Variants in OFD1 observed in about 807,000 individuals in gnomAD.
OFD1 encodes the protein centriole and centriolar satellite protein OFD1.
Under a neutral mutation model 81.4 loss-of-function variants are expected in OFD1, and 12 were observed. The ratio of observed to expected loss-of-function variants is 0.15; its 90% CI spans 0.09 to 0.24. The LOEUF is 0.24. OFD1 is among the 10% of genes least tolerant of loss of function. OFD1 has a pLI of 1.00. For missense variants in OFD1, 685 were observed against 733.9 expected (o/e 0.93, Z 0.77); for synonymous variants, 256 against 263.7 (o/e 0.97, Z 0.28).
intron 6 of OFD1, among the ~76,000 whole-genome samples, chrX:13,745,046 CCTGT>C (rs1407106173): frequency 1.8e-5 from 2 of 112,017 alleles, no homozygotes; most frequent in African/African-American, 6.5e-5. Context: ...GCAGTACCAT[CCTGT>C]CTGTCAGTTT....
chrX:13,764,254 A>G (rs1475311034), intron 19 of OFD1, among the ~76,000 whole-genome samples: 1 of 112,676 alleles, frequency 8.9e-6, no homozygotes, highest in Non-Finnish European at 1.9e-5. Flanking sequence ...ATTAACTCCC[A>G]GCATATATCT....
intron 2 of OFD1, chrX:13,736,172 T>A: frequency 1.1e-6 from 1 of 893,810 alleles, no homozygotes; most frequent in Non-Finnish European, 1.4e-6. Flanking sequence ...CGTAAGCTGC[T>A]GAAATGGGCT....
chrX:13,765,325 T>C (rs1236341096), intron 19 of OFD1, among the ~76,000 whole-genome samples: 1 of 111,013 alleles, frequency 9.0e-6, no homozygotes, highest in Non-Finnish European at 1.9e-5. Flanking sequence ...GAGAAGCAGC[T>C]CACTCTTCCT....
At chrX:13,722,919 C>T in the OFD1 span, among the ~76,000 whole-genome samples, 15 of 109,790 alleles carry the variant, frequency 1.4e-4, no homozygotes, top group East Asian at 2.9e-4. Context: ...AAAAATTAGC[C>T]GAGTGTGGTG....
chrX:13,767,319 C>T, intron 20 of OFD1, 35 bp downstream of exon 20: 1 of 1,184,601 alleles, frequency 8.4e-7, no homozygotes, highest in Non-Finnish European at 1.1e-6. Context: ...GAACTGGTTG[C>T]TCCATTGTAC....
At position 13,746,436 on chromosome X, in the gene OFD1, G is replaced by A. The variant is rs1430661257; in HGVS notation, c.635G>A (p.Arg212Gln). ...EYKREIEEQL[R>Q]AEMCQKLKFF... The stretch of plus-strand genomic sequence containing the variant: ...AAGAGAGAAATAGAAGAGCAACTTC[G>A]GGCAGAAATGTGTCAAAAGGTAAGC... Residue 212 changes from arginine (R) to glutamine (Q), a missense_variant, in exon 7 of 23, where the codon CGG (arginine) becomes CAG (glutamine). Coordinates refer to ENST00000340096, the MANE Select transcript of OFD1 (RefSeq NM_003611.3). 3.3e-6 allele frequency: 4 copies of A among 1,208,309 alleles called. No homozygotes were observed. The highest frequency in any genetic ancestry group is 4.5e-6 in the Non-Finnish European group (4 of 893,601).
intron 19 of OFD1, among the ~76,000 whole-genome samples, chrX:13,765,044 CAACTGAGT>C (rs1325820650): frequency 1.8e-5 from 2 of 112,200 alleles, no homozygotes; most frequent in Non-Finnish European, 3.8e-5. Flanking sequence ...TAAGGGAAAT[CAACTGAGT>C]AACTAGGTGT....
At position 13,749,140 on chromosome X, in the gene OFD1, AT is replaced by A. The variant is rs57776230; in HGVS notation, c.829-280del. 0.066 allele frequency among the ~76,000 whole-genome samples: 6,528 copies of A among 98,200 alleles called. 180 individuals are homozygous for A. The highest frequency in any genetic ancestry group is 0.099 in the Non-Finnish European group (4,712 of 47,515). 85.3% of individuals were successfully genotyped at this position (98,200 alleles called of 115,157 possible). On this transcript the variant is annotated intron_variant, in intron 8 of 22. Transcript: ENST00000340096. ...CTGTCTCAAAAAAAAAAAAAAAAAA[AT>A]TTTTTTAGATAAGGGACTGAGAGAT...
At chrX:13,749,165 A>T (rs1185122227) in intron 8 of OFD1, among the ~76,000 whole-genome samples, 1 of 109,930 alleles carries the variant, frequency 9.1e-6, no homozygotes, top group Non-Finnish European at 1.9e-5. Flanking sequence ...GGACTGAGAG[A>T]TGTTAAAGAA....
At chrX:13,744,389 C>A (rs1220108058) in intron 5 of OFD1, 26 bp from the exon 6 acceptor site, 1 of 896,380 alleles carries the variant, frequency 1.1e-6, no homozygotes, top group Admixed American at 2.2e-5. Flanking sequence ...AGTTCTGAAA[C>A]AAAACTGTAT....
rs774155388 is a variant in OFD1, at chrX:13,755,475, C to CT, written c.1221+234dup. ...TCCTGCCCACATCCTGTCTGTGTCT[C>CT]TAACTGCTTGTGTGTCGCTAGGTAA... On this transcript the variant is annotated intron_variant, in intron 12 of 22. Transcript: ENST00000340096. Among the ~76,000 whole-genome samples the CT allele has an allele frequency of 7.2e-5, 8 of 111,635 alleles. No individual in the cohort carries two copies. In the South Asian group the frequency reaches 3.0e-3, roughly 42 times the overall value.
the OFD1 span, chrX:13,715,726 C>G: frequency 1.2e-6 from 1 of 805,221 alleles, no homozygotes; most frequent in Non-Finnish European, 1.5e-6. Flanking sequence ...TTAGGGATCC[C>G]TAATAAAATC....
downstream of OFD1, chrX:13,771,819 AAGATTT>A (rs760761518): frequency 4.3e-4 from 48 of 112,542 alleles, no homozygotes; most frequent in Non-Finnish European, 7.5e-4. Context: ...CCAGGAAACT[AAGATTT>A]AGATAAGAAA....
chrX:13,769,154 C>G lies in OFD1; in HGVS notation c.*46C>G, dbSNP rs1280404969. On this transcript the variant is annotated 3_prime_UTR_variant, in exon 23 of 23. Coordinates refer to ENST00000340096, the MANE Select transcript of OFD1 (RefSeq NM_003611.3). ...CTAACTTACATACCGTGAGAAGTTA[C>G]GTAACATTTACTCCTTTGTAAATGT... 3 of 991,816 alleles carry G rather than the reference C, an allele frequency of 3.0e-6. No homozygotes were observed. Among genetic ancestry groups the G allele is most frequent in the South Asian group, 1.9e-5 (1 of 51,677 alleles). The allele number at this position is 991,816 out of a possible 1,213,427, so 81.7% of individuals were successfully genotyped here.
Position 13,734,775 on chromosome X carries a change from T to A in OFD1, c.-297T>A. The A allele has an allele frequency of 9.4e-7, 1 of 1,059,624 alleles. No homozygotes were observed. Among genetic ancestry groups the A allele is most frequent in the Non-Finnish European group, 1.2e-6 (1 of 826,948 alleles). 87.3% of individuals were successfully genotyped at this position (1,059,624 alleles called of 1,213,427 possible). ...TGGCTGTGAGGCGGTCCTGCCTCGCTGCCTTCAGTCCCTAGTGTCTGGGTC... is the reference window on the plus strand; with the variant it reads ...TGGCTGTGAGGCGGTCCTGCCTCGCAGCCTTCAGTCCCTAGTGTCTGGGTC... On this transcript the variant is annotated 5_prime_UTR_variant, in exon 1 of 23. Transcript: ENST00000340096.
At chrX:13,748,745 C>T (rs766050094) in intron 8 of OFD1, among the ~76,000 whole-genome samples, 1 of 111,259 alleles carries the variant, frequency 9.0e-6, no homozygotes, top group African/African-American at 3.3e-5. Context: ...CACTAAAAAC[C>T]ATGGGGATTC....
chrX:13,772,938 T>C, downstream of OFD1: 1 of 1,210,169 alleles, frequency 8.3e-7, no homozygotes, highest in Non-Finnish European at 1.1e-6. Flanking sequence ...GCAGTTCCTG[T>C]TCTTCCTTTG....
chrX:13,736,226 C>T, intron 2 of OFD1: 1 of 965,125 alleles, frequency 1.0e-6, no homozygotes, highest in Non-Finnish European at 1.3e-6. Flanking sequence ...ATCTGGCTAA[C>T]CACCCGTTTC....
At chrX:13,716,370 G>GT in the OFD1 span, 1 of 646,092 alleles carries the variant, frequency 1.5e-6, no homozygotes, top group South Asian at 2.9e-5. Context: ...TAAACAAAAT[G>GT]TTTTTCCCCC....
Sources: allele counts gnomAD v4.1 joint callset (sites outside exome capture counted in the v4.1 genomes callset), GRCh38; gene constraint gnomAD v4.1.1; transcripts MANE v1.5; gene names NCBI Gene and HGNC (gene_info 2026-07-23, HGNC 2026-07-21).